Variants in ABCG1 observed in about 807,000 individuals in gnomAD.
The protein encoded by ABCG1 is ATP-binding cassette sub-family G member 1.
ABCG1 carries 29 observed loss-of-function variants against 69.2 expected under a neutral mutation model. The observed-to-expected ratio is 0.42, with a 90% CI of 0.31 to 0.57. The LOEUF (loss-of-function observed/expected upper bound fraction) is 0.57. Among genes scored for constraint, ABCG1 ranks in the 20% least tolerant of loss-of-function variants. The probability of loss-of-function intolerance (pLI) is 0.15; values close to 1 mark genes in which losing one functional copy is unlikely to be tolerated. For missense variants in ABCG1, 718 were observed against 898.1 expected (o/e 0.80, Z 2.56); for synonymous variants, 370 against 374.8 (o/e 0.99, Z 0.15).
upstream of ABCG1, among the ~76,000 whole-genome samples, chr21:42,212,869 A>G (rs560096940): frequency 1.7e-4 from 26 of 151,936 alleles, no homozygotes; most frequent in African/African-American, 5.8e-4. Context: ...AATTTTTTGT[A>G]TTTTTAGTAG....
chr21:42,221,190 C>A (rs1423137613), intron 1 of ABCG1: 1 of 151,998 alleles, frequency 6.6e-6, no homozygotes, highest in Non-Finnish European at 1.5e-5. Context: ...GCTGTCCCAC[C>A]CTGAAAGCAA....
intron 6 of ABCG1, among the ~76,000 whole-genome samples, chr21:42,282,939 G>A (rs919917554): frequency 1.3e-5 from 2 of 152,174 alleles, no homozygotes; most frequent in Non-Finnish European, 1.5e-5. Context: ...ACCCACGGGC[G>A]CTCTGACCCC....
chr21:42,281,926 G>C (rs539392583), intron 5 of ABCG1, among the ~76,000 whole-genome samples: 1 of 152,234 alleles, frequency 6.6e-6, no homozygotes, highest in Non-Finnish European at 1.5e-5. Flanking sequence ...ATGGGGCACT[G>C]GGCTAGGCTT....
intron 2 of ABCG1, chr21:42,256,707 A>C: frequency 7.0e-7 from 1 of 1,418,586 alleles, no homozygotes; most frequent in Non-Finnish European, 9.2e-7. Context: ...ATTCAGAGGG[A>C]TCTGGGAGCA....
At chr21:42,258,355 A>G (rs1056408572) in intron 2 of ABCG1, among the ~76,000 whole-genome samples, 8 of 126,954 alleles carry the variant, frequency 6.3e-5, no homozygotes, top group Middle Eastern at 4.4e-3. Flanking sequence ...CCCTCCCTCT[A>G]TTCCTCCCTC....
At chr21:42,247,918 A>G (rs2068157122) in intron 2 of ABCG1, among the ~76,000 whole-genome samples, 1 of 151,836 alleles carries the variant, frequency 6.6e-6, no homozygotes, top group Non-Finnish European at 1.5e-5. Flanking sequence ...GCAAGGAAGG[A>G]CCCTCCCCTG....
intron 2 of ABCG1, among the ~76,000 whole-genome samples, chr21:42,234,274 G>A (rs1445865721): frequency 6.6e-6 from 1 of 152,138 alleles, no homozygotes; most frequent in Admixed American, 6.5e-5. Flanking sequence ...GCCTCTATAA[G>A]CGCCACTGAG....
intron 5 of ABCG1, among the ~76,000 whole-genome samples, chr21:42,281,190 C>T (rs1159469522): frequency 6.6e-6 from 1 of 152,248 alleles, no homozygotes; most frequent in Non-Finnish European, 1.5e-5. Context: ...TTCTTCCTCC[C>T]TTCAGATGAC....
intron 2 of ABCG1, among the ~76,000 whole-genome samples, chr21:42,210,056 C>G (rs547918531): frequency 6.6e-6 from 1 of 151,762 alleles, no homozygotes; most frequent in Non-Finnish European, 1.5e-5. Flanking sequence ...TCACTTCCTT[C>G]GTCTCCGGCT....
intron 2 of ABCG1, among the ~76,000 whole-genome samples, chr21:42,249,494 G>C (rs1246643398): frequency 1.3e-5 from 2 of 152,146 alleles, no homozygotes; most frequent in African/African-American, 2.4e-5. Flanking sequence ...TCTCATCTGG[G>C]TGTATTGAAA....
At chr21:42,225,056 A>G (rs2067793485) in intron 1 of ABCG1, among the ~76,000 whole-genome samples, 1 of 152,098 alleles carries the variant, frequency 6.6e-6, no homozygotes, top group African/African-American at 2.4e-5. Flanking sequence ...TTGTTTGTCT[A>G]ACATATTAAA....
intron 2 of ABCG1, among the ~76,000 whole-genome samples, chr21:42,245,631 G>A (rs1319128315): frequency 6.6e-6 from 1 of 152,194 alleles, no homozygotes; most frequent in Non-Finnish European, 1.5e-5. Flanking sequence ...AGGGAGGCAG[G>A]GAATGGCCCA....
In ABCG1 at chr21:42,276,601, C is replaced by T. The variant is rs183115007; in HGVS notation, c.538-294C>T. On this transcript the variant is annotated intron_variant, in intron 4 of 14. Transcript: ENST00000398449. This position sits in a 1 kb window ranked among gnomAD's most constrained non-coding sequence, Gnocchi z 5.3. ...TTTCCATGATGATCAGCTAGCTGCA[C>T]GGTGGCTAGTGGCACCGTGGCTAGC... 190 of 409,982 alleles carry T rather than the reference C, an allele frequency of 4.6e-4. No individual in the cohort carries two copies. The highest frequency in any genetic ancestry group is 6.7e-4 in the Non-Finnish European group (152 of 226,192). 25.4% of individuals were successfully genotyped at this position (409,982 alleles called of 1,614,324 possible).
chr21:42,217,679 CTTTTTTTTTTTTTTTTT>C (rs71190409), upstream of ABCG1, among the ~76,000 whole-genome samples: 4 of 61,598 alleles, frequency 6.5e-5, no homozygotes, highest in South Asian at 7.3e-4. Context: ...TGGATCTACT[CTTTTTTTTTTTTTTTTT>C]TTTTTTTTTT....
At chr21:42,269,809 G>A (rs2068582875) in intron 2 of ABCG1, among the ~76,000 whole-genome samples, 1 of 152,196 alleles carries the variant, frequency 6.6e-6, no homozygotes, top group Non-Finnish European at 1.5e-5. Flanking sequence ...ATAAAGGCTT[G>A]GGTGCCCAGC....
chr21:42,265,715 C>T (rs936714826), intron 2 of ABCG1, among the ~76,000 whole-genome samples: 1 of 152,216 alleles, frequency 6.6e-6, no homozygotes, highest in African/African-American at 2.4e-5. Context: ...CCACTGTTGA[C>T]TTCTCAGGCT....
At chr21:42,224,908 T>A (rs1439387652) in intron 1 of ABCG1, among the ~76,000 whole-genome samples, 1 of 152,198 alleles carries the variant, frequency 6.6e-6, no homozygotes, top group Non-Finnish European at 1.5e-5. Flanking sequence ...TACAAAAGAT[T>A]AGGTATTCTC....
intron 2 of ABCG1, among the ~76,000 whole-genome samples, chr21:42,237,600 C>T (rs1360800685): frequency 6.6e-6 from 1 of 152,260 alleles, no homozygotes; most frequent in Non-Finnish European, 1.5e-5. Flanking sequence ...TGGCTCAGAG[C>T]TGGCATGCAA....
At chr21:42,245,813 G>A (rs990267206) in intron 2 of ABCG1, among the ~76,000 whole-genome samples, 9 of 152,228 alleles carry the variant, frequency 5.9e-5, no homozygotes, top group Non-Finnish European at 1.3e-4. Context: ...CCGATGAGGA[G>A]GGGATGGGGC....
Sources: gnomAD v4.1 joint callset for allele counts (sites outside exome capture counted in the v4.1 genomes callset) on GRCh38, gnomAD v4.1.1 for gene constraint, Gnocchi (gnomAD v3.1) non-coding constraint, MANE v1.5 for transcripts, NCBI Gene and HGNC (gene_info 2026-07-23, HGNC 2026-07-21) for gene names.